STPG2: variants seen among roughly 807,000 people sequenced by gnomAD.
STPG2 encodes sperm-tail PG-rich repeat-containing protein 2.
A neutral mutation model predicts 54.2 loss-of-function variants in STPG2; 56 were observed. That is an observed-to-expected ratio of 1.03 (90% confidence interval 0.83 to 1.29). STPG2 has a LOEUF of 1.29. Among genes scored for constraint, STPG2 ranks in the 50% most tolerant of loss-of-function variants. The pLI is 0.00. For synonymous variants in STPG2, 200 were observed against 181.8 expected, an observed-to-expected ratio of 1.10 and a Z score of -0.81; for missense variants, 596 against 544.9, an observed-to-expected ratio of 1.09 and a Z score of -0.93.
At chr4:97,564,446 AT>A (rs1236078763) in intron 10 of STPG2, among the ~76,000 whole-genome samples, 6 of 151,952 alleles carry the variant, frequency 3.9e-5, no homozygotes, top group African/African-American at 1.5e-4. Flanking sequence ...TAAAGTTAAT[AT>A]TGTTATGTGT....
chr4:98,081,004 G>C (rs1189978798), intron 5 of STPG2, among the ~76,000 whole-genome samples: 1 of 152,042 alleles, frequency 6.6e-6, no homozygotes, highest in Admixed American at 6.6e-5. Context: ...AGCTGCCTTG[G>C]CCACTTTTAT....
chr4:98,017,233 C>T (rs1427184666), intron 5 of STPG2, among the ~76,000 whole-genome samples: 2 of 152,220 alleles, frequency 1.3e-5, no homozygotes, highest in Admixed American at 6.5e-5. Flanking sequence ...TCTTCAGTGG[C>T]CATACTAGAG....
At chr4:98,123,942 C>T (rs192112730) in intron 3 of STPG2, among the ~76,000 whole-genome samples, 147 of 152,030 alleles carry the variant, frequency 9.7e-4, no homozygotes, top group Non-Finnish European at 1.6e-3. Context: ...ATATAATGCC[C>T]TTATCTTTTT....
At chr4:97,977,956 C>A (rs1734549152) in intron 6 of STPG2, among the ~76,000 whole-genome samples, 1 of 152,130 alleles carries the variant, frequency 6.6e-6, no homozygotes, top group South Asian at 2.1e-4. Flanking sequence ...TATGCAATGG[C>A]AGAAATTTTA....
intron 8 of STPG2, among the ~76,000 whole-genome samples, chr4:97,943,489 A>G (rs538940500): frequency 6.6e-6 from 1 of 152,288 alleles, no homozygotes; most frequent in African/African-American, 2.4e-5. Flanking sequence ...CATTTAACAT[A>G]CAGGTCAACA....
intron 8 of STPG2, among the ~76,000 whole-genome samples, chr4:97,882,025 C>CCA (rs201719458): frequency 2.0e-5 from 3 of 151,976 alleles, no homozygotes; most frequent in African/African-American, 4.8e-5. Context: ...GCCCCCCTCC[C>CCA]CACACACACA....
At chr4:97,537,790 C>T (rs180802066) in intron 4 of STPG2, among the ~76,000 whole-genome samples, 2 of 152,226 alleles carry the variant, frequency 1.3e-5, no homozygotes, top group East Asian at 1.9e-4. Context: ...TGGGAGGCAC[C>T]CCCTAGTAGG....
chr4:97,605,288 G>GGT (rs1316666031), intron 10 of STPG2, among the ~76,000 whole-genome samples: 13 of 151,716 alleles, frequency 8.6e-5, no homozygotes, highest in Non-Finnish European at 1.6e-4. Flanking sequence ...CCAAACTAGT[G>GGT]AAAAATTTAC....
intron 8 of STPG2, among the ~76,000 whole-genome samples, chr4:97,895,187 C>A (rs769066472): frequency 1.3e-5 from 2 of 151,732 alleles, no homozygotes; most frequent in African/African-American, 2.4e-5. Flanking sequence ...AAGAAATCTA[C>A]CATTGTGCCA....
chr4:97,990,398 A>G (rs1174972784), intron 5 of STPG2, among the ~76,000 whole-genome samples: 1 of 152,190 alleles, frequency 6.6e-6, no homozygotes, highest in Non-Finnish European at 1.5e-5. Context: ...ATAAAGAAGG[A>G]AAAAACACTT....
At chr4:97,828,309 A>T (rs1296684966) in intron 9 of STPG2, among the ~76,000 whole-genome samples, 1 of 152,124 alleles carries the variant, frequency 6.6e-6, no homozygotes, top group African/African-American at 2.4e-5. Flanking sequence ...TCCTGAACTC[A>T]AGGGAAGCCA....
intron 9 of STPG2, among the ~76,000 whole-genome samples, chr4:97,734,117 A>G (rs1724894816): frequency 6.6e-6 from 1 of 152,170 alleles, no homozygotes; most frequent in South Asian, 2.1e-4. Context: ...GCATTTCACC[A>G]TTGAGTATAA....
intron 8 of STPG2, among the ~76,000 whole-genome samples, chr4:97,911,475 A>C (rs1279023112): frequency 2.0e-5 from 3 of 152,090 alleles, no homozygotes; most frequent in Admixed American, 6.5e-5. Flanking sequence ...CCATCTCTGC[A>C]GCTGGAGTCA....
chr4:97,667,528 T>A (rs1390294980), intron 10 of STPG2, among the ~76,000 whole-genome samples: 1 of 152,208 alleles, frequency 6.6e-6, no homozygotes, highest in African/African-American at 2.4e-5. Context: ...ATGGATTTAC[T>A]TTCCAAATTT....
intron 4 of STPG2, among the ~76,000 whole-genome samples, chr4:97,532,209 T>C (rs1462447048): frequency 1.3e-5 from 2 of 152,144 alleles, no homozygotes; most frequent in African/African-American, 4.8e-5. Flanking sequence ...TACCTTATCA[T>C]ATAGAAATAT....
intron 4 of STPG2, among the ~76,000 whole-genome samples, chr4:98,106,442 A>G (rs901919407): frequency 6.6e-6 from 1 of 152,170 alleles, no homozygotes; most frequent in Non-Finnish European, 1.5e-5. Flanking sequence ...GCCCTATGCT[A>G]TTTATATCAT....
At chr4:97,553,291 C>T (rs565070499) in intron 4 of STPG2, among the ~76,000 whole-genome samples, 1 of 152,144 alleles carries the variant, frequency 6.6e-6, no homozygotes, top group South Asian at 2.1e-4. Flanking sequence ...ATATCATGGC[C>T]ATTTTATTTT....
At chr4:97,726,842 TACACAC>T (rs375476697) in intron 9 of STPG2, among the ~76,000 whole-genome samples, 1 of 149,182 alleles carries the variant, frequency 6.7e-6, no homozygotes, top group African/African-American at 2.5e-5. Context: ...AATACAAACA[TACACAC>T]ACACACACAC....
chr4:98,013,882 T>C (rs1312970206), intron 5 of STPG2, among the ~76,000 whole-genome samples: 4 of 152,010 alleles, frequency 2.6e-5, no homozygotes, highest in Non-Finnish European at 5.9e-5. Flanking sequence ...ATGTAGCTAG[T>C]GGTCTATCTA....
Sources: gnomAD v4.1 joint callset for allele counts (sites outside exome capture counted in the v4.1 genomes callset) on GRCh38, gnomAD v4.1.1 for gene constraint, MANE v1.5 for transcripts, NCBI Gene and HGNC (gene_info 2026-07-23, HGNC 2026-07-21) for gene names.